ASTN2: variants seen among roughly 807,000 people sequenced by gnomAD.
ASTN2 encodes astrotactin-2.
In ASTN2, 54 loss-of-function variants were observed where a neutral mutation model predicts 139.8. The observed-to-expected ratio is 0.39, with a 90% CI of 0.31 to 0.48. The LOEUF (loss-of-function observed/expected upper bound fraction) is 0.48, where lower values mean the gene tolerates loss of function less well. ASTN2 is among the 20% of genes least tolerant of loss of function. The probability of loss-of-function intolerance (pLI) is 0.95; values close to 1 mark genes in which losing one functional copy is unlikely to be tolerated. For synonymous variants in ASTN2, 756 were observed against 719.5 expected (o/e 1.05, Z -0.81); for missense variants, 1,565 against 1,725.1 (o/e 0.91, Z 1.64).
chr9:116,847,024 AAACAAAAAAC>A (rs1832455140), intron 11 of ASTN2, among the ~76,000 whole-genome samples: 6 of 121,128 alleles, frequency 5.0e-5, no homozygotes, highest in African/African-American at 2.2e-4. Context: ...AAAAAAAAAA[AAACAAAAAAC>A]AAAAAACAAA....
At chr9:116,430,157 C>A (rs1564271321) in intron 22 of ASTN2, among the ~76,000 whole-genome samples, 1 of 152,138 alleles carries the variant, frequency 6.6e-6, no homozygotes. Context: ...AATATAAATA[C>A]AAAATGAAGT....
intron 10 of ASTN2, among the ~76,000 whole-genome samples, chr9:116,933,610 A>G (rs950284010): frequency 5.3e-5 from 8 of 152,150 alleles, no homozygotes; most frequent in African/African-American, 1.9e-4. Context: ...ACCCCTTTAA[A>G]GCTATTACTT....
rs756777078 is a variant in ASTN2, at chr9:116,674,381, G to C, written c.2807-22588C>G. On this transcript the variant is annotated intron_variant, in intron 16 of 22. Transcript: ENST00000313400. ...TGGCAATCACACACTTTGATTAGCT[G>C]GCCCTGCCGGCATTTATTCAGCACA... Among the ~76,000 whole-genome samples the C allele has an allele frequency of 2.2e-4, 33 of 152,206 alleles. 1 individual carries two copies. The highest frequency in any genetic ancestry group is 2.4e-4 in the Non-Finnish European group (16 of 68,034).
At chr9:116,808,661 T>C (rs768867556) in intron 12 of ASTN2, among the ~76,000 whole-genome samples, 9 of 152,198 alleles carry the variant, frequency 5.9e-5, no homozygotes, top group Non-Finnish European at 1.3e-4. Context: ...TGCCCAACTA[T>C]GTGTTTCTAT....
chr9:116,637,341 T>C (rs917272831), intron 17 of ASTN2, among the ~76,000 whole-genome samples: 2 of 152,226 alleles, frequency 1.3e-5, no homozygotes, highest in Admixed American at 6.5e-5. Context: ...CTTTTTCTAG[T>C]GCAAGGCAGT....
In ASTN2 at chr9:116,438,232, G is replaced by C. The variant is rs539710610; in HGVS notation, c.3782+2377C>G. Among the ~76,000 whole-genome samples the C allele has an allele frequency of 3.3e-5, 5 of 152,264 alleles. No homozygotes were observed. In the South Asian group the frequency reaches 1.0e-3, roughly 32 times the overall value. On this transcript the variant is annotated intron_variant, in intron 22 of 22. Transcript: ENST00000313400. ...TCACAACAGCCTCTAGAGCCTCACTGCCGCTTTCTTACCTTGACACCTATA... is the reference window on the plus strand; with the variant it reads ...TCACAACAGCCTCTAGAGCCTCACTCCCGCTTTCTTACCTTGACACCTATA...
intron 3 of ASTN2, among the ~76,000 whole-genome samples, chr9:117,154,928 A>T (rs922570530): frequency 6.6e-6 from 1 of 152,012 alleles, no homozygotes; most frequent in East Asian, 1.9e-4. Context: ...CCATTACCTC[A>T]TATGCCACTC....
chr9:116,591,072 A>G (rs1198585162), intron 19 of ASTN2, among the ~76,000 whole-genome samples: 4 of 152,212 alleles, frequency 2.6e-5, no homozygotes, highest in Admixed American at 2.6e-4. Flanking sequence ...GCAGGGCTGA[A>G]AAAGCTCTAA....
rs183192755 is a variant in ASTN2 at position 117,329,614 on chromosome 9, G to A, written c.443-38101C>T. 6.6e-4 allele frequency among the ~76,000 whole-genome samples: 101 copies of A among 152,250 alleles called. 1 individual carries two copies. The South Asian group carries it at 0.018, about 27-fold the overall frequency. On this transcript the variant is annotated intron_variant, in intron 1 of 22. Coordinates refer to ENST00000313400, the MANE Select transcript of ASTN2 (RefSeq NM_001365068.1). ...ATTCTTAGTCAACCAAATGACAAAG[G>A]GGGGTGGACATGCAGTGGAGGTGAG...
At chr9:116,998,795 A>G (rs903216079) in intron 7 of ASTN2, among the ~76,000 whole-genome samples, 2 of 152,194 alleles carry the variant, frequency 1.3e-5, no homozygotes, top group African/African-American at 4.8e-5. Context: ...ACTTATTGCC[A>G]TACTTCAATA....
At chr9:116,651,096 T>C (rs963778347) in intron 17 of ASTN2, among the ~76,000 whole-genome samples, 1 of 151,586 alleles carries the variant, frequency 6.6e-6, no homozygotes. Context: ...TTTGTGTTTT[T>C]AGTAGAGATG....
chr9:117,127,686 T>TC (rs1439631558), intron 4 of ASTN2, among the ~76,000 whole-genome samples: 1 of 134,526 alleles, frequency 7.4e-6, no homozygotes, highest in East Asian at 2.1e-4. Context: ...TTTTTTTTTT[T>TC]TTTTTTTTTT....
chr9:116,956,198 T>C (rs1008411807), intron 10 of ASTN2, among the ~76,000 whole-genome samples: 22 of 147,836 alleles, frequency 1.5e-4, no homozygotes, highest in African/African-American at 5.5e-4. Flanking sequence ...TGGGTTCAAG[T>C]GATTCTCCTC....
chr9:116,921,077 C>T (rs1423989243), intron 10 of ASTN2, among the ~76,000 whole-genome samples: 1 of 152,112 alleles, frequency 6.6e-6, no homozygotes, highest in African/African-American at 2.4e-5. Flanking sequence ...AGTTTCTACT[C>T]ATGGTGGAAG....
chr9:116,665,365 C>T (rs1187780873), intron 16 of ASTN2, among the ~76,000 whole-genome samples: 5 of 152,080 alleles, frequency 3.3e-5, no homozygotes, highest in Non-Finnish European at 5.9e-5. Flanking sequence ...TTACGGACAA[C>T]TAATTCAGGT....
intron 7 of ASTN2, among the ~76,000 whole-genome samples, chr9:116,989,630 T>C (rs1161752460): frequency 6.7e-6 from 1 of 149,046 alleles, no homozygotes; most frequent in Non-Finnish European, 1.5e-5. Context: ...GTCACCCAGA[T>C]TGGAATGCAA....
At chr9:116,561,198 C>T (rs1852896069) in intron 19 of ASTN2, among the ~76,000 whole-genome samples, 1 of 152,094 alleles carries the variant, frequency 6.6e-6, no homozygotes, top group African/African-American at 2.4e-5. Flanking sequence ...ATCCTCTAAT[C>T]TGGTATGCAT....
intron 16 of ASTN2, among the ~76,000 whole-genome samples, chr9:116,658,066 A>T (rs1376974338): frequency 2.0e-5 from 3 of 151,980 alleles, no homozygotes; most frequent in African/African-American, 7.3e-5. Flanking sequence ...TGTATTTGCA[A>T]GAAGAGATTT....
chr9:116,640,049 A>G (rs1857256402), intron 17 of ASTN2, among the ~76,000 whole-genome samples: 2 of 152,100 alleles, frequency 1.3e-5, no homozygotes, highest in Admixed American at 1.3e-4. Flanking sequence ...TTTACCTGCT[A>G]ATGTATAGGA....
Sources: allele counts gnomAD v4.1 joint callset (sites outside exome capture counted in the v4.1 genomes callset), GRCh38; gene constraint gnomAD v4.1.1; transcripts MANE v1.5; gene names NCBI Gene and HGNC (gene_info 2026-07-23, HGNC 2026-07-21).